DISC1: variants seen among roughly 807,000 people sequenced by gnomAD.
The protein encoded by DISC1 is disrupted in schizophrenia 1 protein.
DISC1 carries 57 observed loss-of-function variants against 84.5 expected under a neutral mutation model. The ratio of observed to expected loss-of-function variants is 0.67; its 90% confidence interval spans 0.55 to 0.84. The LOEUF is 0.84. Among genes scored for constraint, DISC1 ranks in the 40% least tolerant of loss-of-function variants. DISC1 has a pLI of 0.00. For synonymous variants in DISC1, 411 were observed against 415.2 expected, an observed-to-expected ratio of 0.99 and a Z score of 0.12; for missense variants, 1,000 against 1,057.8, an observed-to-expected ratio of 0.95 and a Z score of 0.76.
At chr1:231,937,618 C>A (rs201101530) in intron 9 of DISC1, among the ~76,000 whole-genome samples, 1 of 152,170 alleles carries the variant, frequency 6.6e-6, no homozygotes, top group Non-Finnish European at 1.5e-5. Flanking sequence ...CTCTTCTCTG[C>A]GGCTCTGCTG....
chr1:231,930,832 T>C (rs1286140243), intron 9 of DISC1, among the ~76,000 whole-genome samples: 1 of 152,078 alleles, frequency 6.6e-6, no homozygotes, highest in East Asian at 1.9e-4. Flanking sequence ...GGAGACTAGA[T>C]GTACAAGATT....
intron 10 of DISC1, among the ~76,000 whole-genome samples, chr1:231,962,884 C>T (rs61835562): frequency 1.3e-5 from 2 of 152,158 alleles, no homozygotes; most frequent in Non-Finnish European, 2.9e-5. Context: ...GGCTCACCAG[C>T]CTCCTTTCTC....
At chr1:231,913,788 C>T (rs762383433) in intron 9 of DISC1, among the ~76,000 whole-genome samples, 3 of 152,222 alleles carry the variant, frequency 2.0e-5, no homozygotes, top group Non-Finnish European at 4.4e-5. Flanking sequence ...CAGTAGGTGA[C>T]CGTTTCCTCA....
chr1:231,680,073 C>T (rs1202813676), intron 1 of DISC1, among the ~76,000 whole-genome samples: 1 of 152,014 alleles, frequency 6.6e-6, no homozygotes, highest in Non-Finnish European at 1.5e-5. Context: ...ACTAAAAATA[C>T]AGAAGTTAGC....
At position 231,639,645 on chromosome 1, in the gene DISC1, C is replaced by G. The variant is rs939068575; in HGVS notation, c.67+12711C>G. Among the ~76,000 whole-genome samples the G allele has an allele frequency of 8.5e-5, 13 of 152,172 alleles. 1 individual carries two copies. Among genetic ancestry groups the G allele is most frequent in the African/African-American group, 3.1e-4 (13 of 41,434 alleles). ...AGGTTCAGGGTCCTGCATAAGTCCT[C>G]TAGTGTCTGTAGATCTCAGTGTCCT... On this transcript the variant is annotated intron_variant, in intron 1 of 12. Transcript: ENST00000439617.
At chr1:231,659,389 A>G (rs774260491) in intron 1 of DISC1, among the ~76,000 whole-genome samples, 1 of 151,790 alleles carries the variant, frequency 6.6e-6, no homozygotes, top group Non-Finnish European at 1.5e-5. Flanking sequence ...TTGTTAGTCT[A>G]GCAAGTGATC....
chr1:231,963,233 A>G (rs879190799), intron 10 of DISC1, among the ~76,000 whole-genome samples: 4 of 148,090 alleles, frequency 2.7e-5, no homozygotes, highest in South Asian at 4.3e-4. Flanking sequence ...TTGTTCCCTT[A>G]TGCTTCCCAA....
At chr1:231,882,891 G>A (rs2086397615) in intron 9 of DISC1, among the ~76,000 whole-genome samples, 2 of 151,930 alleles carry the variant, frequency 1.3e-5, no homozygotes, top group East Asian at 1.9e-4. Flanking sequence ...TCTATGACAC[G>A]CAGGATACAG....
At chr1:231,823,165 C>G (rs994578330) in intron 9 of DISC1, among the ~76,000 whole-genome samples, 2 of 152,130 alleles carry the variant, frequency 1.3e-5, no homozygotes, top group Non-Finnish European at 2.9e-5. Context: ...TTTAGAAATC[C>G]TGTGAGTTAC....
In DISC1 at chr1:231,656,093, G is replaced by A. The variant is rs143466417; in HGVS notation, c.67+29159G>A. 2.8e-3 allele frequency among the ~76,000 whole-genome samples: 431 copies of A among 152,096 alleles called. 3 individuals are homozygous for A. Among genetic ancestry groups the A allele is most frequent in the African/African-American group, 0.01 (416 of 41,526 alleles). On this transcript the variant is annotated intron_variant, in intron 1 of 12. Coordinates refer to ENST00000439617, the MANE Select transcript of DISC1 (RefSeq NM_018662.3). ...TTCTTTTGCTGTGTGGAGCATTTTA[G>A]TTTAAGTCTTATTTATTTATCTTTG...
intron 3 of DISC1, among the ~76,000 whole-genome samples, chr1:231,716,170 C>T (rs1331307367): frequency 6.6e-6 from 1 of 152,104 alleles, no homozygotes; most frequent in Non-Finnish European, 1.5e-5. Context: ...TTAGAAAACA[C>T]TGTGTAAAGT....
At chr1:231,861,088 G>T (rs151231022) in intron 9 of DISC1, among the ~76,000 whole-genome samples, 3 of 152,046 alleles carry the variant, frequency 2.0e-5, no homozygotes, top group Non-Finnish European at 4.4e-5. Flanking sequence ...TGTGAATGTC[G>T]GCACAGGAAA....
At chr1:232,004,313 A>T (rs546912112) in intron 10 of DISC1, among the ~76,000 whole-genome samples, 51 of 152,162 alleles carry the variant, frequency 3.4e-4, no homozygotes, top group African/African-American at 1.2e-3. Flanking sequence ...GAGTAATAAG[A>T]TAGCAAACCT....
intron 1 of DISC1, among the ~76,000 whole-genome samples, chr1:231,676,099 G>T (rs984148460): frequency 5.9e-5 from 9 of 152,094 alleles, no homozygotes; most frequent in Non-Finnish European, 1.3e-4. Context: ...CATCTGCCTT[G>T]TCCTCCCAAA....
chr1:232,008,527 A>C (rs1306285567), intron 10 of DISC1, among the ~76,000 whole-genome samples: 2 of 152,208 alleles, frequency 1.3e-5, no homozygotes, highest in Non-Finnish European at 2.9e-5. Context: ...TGGGCTGCTG[A>C]GTCTGGAAAA....
At chr1:231,732,798 A>C (rs1377174345) in intron 3 of DISC1, among the ~76,000 whole-genome samples, 2 of 152,260 alleles carry the variant, frequency 1.3e-5, no homozygotes, top group African/African-American at 4.8e-5. Context: ...GAGCCACGAT[A>C]GTAGTATTGT....
chr1:231,788,476 C>T (rs530887832), intron 6 of DISC1, among the ~76,000 whole-genome samples: 6 of 152,268 alleles, frequency 3.9e-5, no homozygotes, highest in African/African-American at 9.6e-5. Flanking sequence ...CCAGTCATGT[C>T]GGAGTATGGT....
In DISC1 at chr1:231,801,969, C is replaced by T. The variant is rs904750184; in HGVS notation, c.1792+1759C>T. Among the ~76,000 whole-genome samples the T allele has an allele frequency of 3.2e-4, 48 of 152,064 alleles. 1 individual carries two copies. The highest frequency in any genetic ancestry group is 1.2e-3 in the African/African-American group (48 of 41,490). On this transcript the variant is annotated intron_variant, in intron 8 of 12. Coordinates refer to ENST00000439617, the MANE Select transcript of DISC1 (RefSeq NM_018662.3). ...AAGTAGCTGGGACTACAGGCACCCG[C>T]CACCACGCCCGGCTAATTTTTTGTA... is the stretch of plus-strand genomic sequence containing the variant.
At chr1:231,834,543 A>G (rs1421997829) in intron 9 of DISC1, among the ~76,000 whole-genome samples, 1 of 152,170 alleles carries the variant, frequency 6.6e-6, no homozygotes, top group Non-Finnish European at 1.5e-5. Flanking sequence ...TTTTCTGGCT[A>G]TTTGGAACCA....
Sources: gnomAD v4.1 joint callset for allele counts (sites outside exome capture counted in the v4.1 genomes callset) on GRCh38, gnomAD v4.1.1 for gene constraint, MANE v1.5 for transcripts, NCBI Gene and HGNC (gene_info 2026-07-23, HGNC 2026-07-21) for gene names.